ASCC1: variants seen among roughly 807,000 people sequenced by gnomAD.
ASCC1 encodes ASC-1 complex subunit P50.
ASCC1 carries 35 observed loss-of-function variants against 46.6 expected under a neutral mutation model. The ratio of observed to expected loss-of-function variants is 0.75; its 90% confidence interval spans 0.57 to 0.99. The LOEUF is 0.99. Among genes scored for constraint, ASCC1 ranks in the 50% least tolerant of loss-of-function variants. ASCC1 has a pLI of 0.00. For synonymous variants in ASCC1, 143 were observed against 146.6 expected (o/e 0.98, Z 0.18); for missense variants, 376 against 428.7 (o/e 0.88, Z 1.09).
At chr10:72,215,617 AT>A (rs909189852) in intron 1 of ASCC1, among the ~76,000 whole-genome samples, 13 of 152,198 alleles carry the variant, frequency 8.5e-5, no homozygotes, top group Admixed American at 3.3e-4. Flanking sequence ...TAAAAAAAAA[AT>A]GTTCCCCACA....
At chr10:72,111,445 C>T (rs1028896939) in intron 9 of ASCC1, among the ~76,000 whole-genome samples, 2 of 151,890 alleles carry the variant, frequency 1.3e-5, no homozygotes, top group African/African-American at 4.8e-5. Flanking sequence ...AAGATGATGC[C>T]ACTACACTCC....
intron 7 of ASCC1, among the ~76,000 whole-genome samples, chr10:72,142,303 G>C (rs1847114563): frequency 6.6e-6 from 1 of 150,692 alleles, no homozygotes; most frequent in Non-Finnish European, 1.5e-5. Context: ...AGTCATGAGA[G>C]TTCACATTCA....
In ASCC1 at chr10:72,098,086, G is replaced by C. The variant is rs145240220; in HGVS notation, c.958-636C>G. 3.3e-5 allele frequency among the ~76,000 whole-genome samples: 5 copies of C among 152,196 alleles called. No individual in the cohort carries two copies. In the East Asian group the frequency reaches 9.6e-4, roughly 29 times the overall value. On this transcript the variant is annotated intron_variant, in intron 9 of 9. Transcript: ENST00000672957. The stretch of plus-strand genomic sequence containing the variant: ...TTATTAGACTTGGATTCAAGCCAGC[G>C]ACCTAAAATAAATACTTTTTGCTAT...
intron 5 of ASCC1, among the ~76,000 whole-genome samples, chr10:72,187,342 G>A (rs563803257): frequency 2.0e-5 from 3 of 152,296 alleles, no homozygotes; most frequent in South Asian, 2.1e-4. Context: ...AGTGGCTCAC[G>A]CCTGTAATCC....
intron 7 of ASCC1, among the ~76,000 whole-genome samples, chr10:72,134,651 T>C (rs188922310): frequency 2.0e-5 from 3 of 152,328 alleles, no homozygotes; most frequent in Admixed American, 2.0e-4. Flanking sequence ...AGGACAAACA[T>C]TGTTTTAGAA....
chr10:72,186,936 A>G (rs1853543071), intron 5 of ASCC1, among the ~76,000 whole-genome samples: 1 of 147,984 alleles, frequency 6.8e-6, no homozygotes, highest in South Asian at 2.1e-4. Flanking sequence ...GCGGATGCAC[A>G]TGCACATGCC....
Position 72,128,283 on chromosome 10 carries a change from G to A in ASCC1, c.872-116C>T, listed in dbSNP as rs1845131090. The A allele has an allele frequency of 4.9e-6, 4 of 820,444 alleles. No homozygotes were observed. In the Admixed American group the frequency reaches 7.5e-5, roughly 15 times the overall value. 50.8% of individuals were successfully genotyped at this position (820,444 alleles called of 1,614,324 possible). A position where few individuals can be genotyped will look rare whatever the true frequency, so the allele number is the denominator to read the frequency against. On this transcript the variant is annotated intron_variant, in intron 8 of 9. Coordinates refer to ENST00000672957, the MANE Select transcript of ASCC1 (RefSeq NM_001198800.3). ...ATTTTCATGAACTACCTGGAAAGTGGCATAATGAAGAGGAAAAATGTCAGG... is the reference window on the plus strand; with the variant it reads ...ATTTTCATGAACTACCTGGAAAGTGACATAATGAAGAGGAAAAATGTCAGG...
intron 7 of ASCC1, among the ~76,000 whole-genome samples, chr10:72,150,995 G>A (rs1458307088): frequency 6.6e-6 from 1 of 152,240 alleles, no homozygotes; most frequent in Non-Finnish European, 1.5e-5. Flanking sequence ...TACACTGTTG[G>A]TGGGAATGTA....
At chr10:72,194,131 G>A (rs536111880) in intron 5 of ASCC1, among the ~76,000 whole-genome samples, 41 of 151,662 alleles carry the variant, frequency 2.7e-4, no homozygotes, top group East Asian at 1.4e-3. Flanking sequence ...TGATCTGCCC[G>A]CCTCAGCCTC....
chr10:72,216,359 AG>A (rs1859321954), upstream of ASCC1: 1 of 169,186 alleles, frequency 5.9e-6, no homozygotes, highest in East Asian at 1.7e-4. Context: ...CCGATGGCGT[AG>A]TTTCCTGGGG....
At chr10:72,174,363 A>G (rs1312155093) in intron 5 of ASCC1, among the ~76,000 whole-genome samples, 1 of 152,204 alleles carries the variant, frequency 6.6e-6, no homozygotes, top group South Asian at 2.1e-4. Context: ...AAATCTACAC[A>G]TATCAAGCTT....
chr10:72,191,516 T>G (rs919194515), intron 5 of ASCC1, among the ~76,000 whole-genome samples: 1 of 151,884 alleles, frequency 6.6e-6, no homozygotes, highest in Non-Finnish European at 1.5e-5. Context: ...GACATACATA[T>G]GTAAAAAAAT....
chr10:72,178,291 G>C (rs1286156784), intron 5 of ASCC1, among the ~76,000 whole-genome samples: 3 of 152,136 alleles, frequency 2.0e-5, no homozygotes, highest in Non-Finnish European at 4.4e-5. Flanking sequence ...GTATAATCCA[G>C]GTTGTAGGTG....
chr10:72,188,334 G>C (rs182923291), intron 5 of ASCC1, among the ~76,000 whole-genome samples: 1 of 151,874 alleles, frequency 6.6e-6, no homozygotes, highest in East Asian at 1.9e-4. Context: ...GGCCAGGCTG[G>C]TCTCGAACTC....
At chr10:72,201,249 G>A (rs991546756) in intron 4 of ASCC1, among the ~76,000 whole-genome samples, 21 of 152,096 alleles carry the variant, frequency 1.4e-4, no homozygotes, top group African/African-American at 4.6e-4. Context: ...CTGGTCTCAA[G>A]TGATCCTCCC....
intron 9 of ASCC1, among the ~76,000 whole-genome samples, chr10:72,120,239 T>G (rs1481528161): frequency 6.6e-6 from 1 of 151,826 alleles, no homozygotes; most frequent in Admixed American, 6.6e-5. Flanking sequence ...AATAAATAAA[T>G]AAGTAAATAA....
At chr10:72,210,296 A>G (rs1225622898) in intron 3 of ASCC1, among the ~76,000 whole-genome samples, 2 of 151,512 alleles carry the variant, frequency 1.3e-5, no homozygotes, top group Non-Finnish European at 2.9e-5. Context: ...AGTAGCTGGG[A>G]TTACAGATGC....
intron 9 of ASCC1, among the ~76,000 whole-genome samples, chr10:72,116,337 A>T (rs778536717): frequency 6.6e-6 from 1 of 152,212 alleles, no homozygotes; most frequent in Non-Finnish European, 1.5e-5. Context: ...ATCAGTTTAA[A>T]AACTGTTAGG....
intron 9 of ASCC1, among the ~76,000 whole-genome samples, chr10:72,113,859 G>A (rs546034946): frequency 6.6e-6 from 1 of 152,236 alleles, no homozygotes; most frequent in East Asian, 1.9e-4. Context: ...TCAAAGAAGG[G>A]AGGCAGAGCC....
Sources: allele counts gnomAD v4.1 joint callset (sites outside exome capture counted in the v4.1 genomes callset), GRCh38; gene constraint gnomAD v4.1.1; transcripts MANE v1.5; gene names NCBI Gene and HGNC (gene_info 2026-07-23, HGNC 2026-07-21).